OTUD7A: variants seen among roughly 807,000 people sequenced by gnomAD.
The protein encoded by OTUD7A is OTU deubiquitinase 7A, also known as OTU domain-containing protein 7A.
A neutral mutation model predicts 65.7 loss-of-function variants in OTUD7A; 12 were observed. The ratio of observed to expected loss-of-function variants is 0.18; its 90% CI spans 0.12 to 0.30. The LOEUF is 0.30. OTUD7A is among the 10% of genes least tolerant of loss of function. The pLI is 1.00. For synonymous variants in OTUD7A, 641 were observed against 586.3 expected (o/e 1.09, Z -1.35); for missense variants, 1,148 against 1,304.8 (o/e 0.88, Z 1.85).
chr15:31,728,210 T>C (rs569135214), intron 1 of OTUD7A, among the ~76,000 whole-genome samples: 1 of 152,160 alleles, frequency 6.6e-6, no homozygotes, highest in Non-Finnish European at 1.5e-5. Flanking sequence ...CAAACCAGTA[T>C]CCCGGGAGCC....
intron 1 of OTUD7A, among the ~76,000 whole-genome samples, chr15:31,829,983 C>T (rs143404892): frequency 2.2e-4 from 33 of 152,258 alleles, no homozygotes; most frequent in African/African-American, 7.5e-4. Flanking sequence ...TGTTCCTTGT[C>T]TGGGGCATTC....
intron 3 of OTUD7A, among the ~76,000 whole-genome samples, chr15:31,632,186 T>G (rs1891187090): frequency 6.6e-6 from 1 of 152,214 alleles, no homozygotes; most frequent in Non-Finnish European, 1.5e-5. Context: ...TGTTTCCAGT[T>G]TTTCTGCTCT....
chr15:31,531,520 CAAAAAAA>C (rs60332452), intron 5 of OTUD7A, among the ~76,000 whole-genome samples: 17 of 80,158 alleles, frequency 2.1e-4, no homozygotes, highest in African/African-American at 5.9e-4. Flanking sequence ...GAGTAGGCCA[CAAAAAAA>C]AAAAAAAAAA....
chr15:31,584,935 T>A (rs1889484894), intron 3 of OTUD7A, among the ~76,000 whole-genome samples: 1 of 152,194 alleles, frequency 6.6e-6, no homozygotes, highest in Non-Finnish European at 1.5e-5. Flanking sequence ...TGAGGAGAAA[T>A]TAAACTCTTA....
chr15:31,734,559 G>A (rs2455701), intron 1 of OTUD7A, among the ~76,000 whole-genome samples: 3,490 of 152,234 alleles, frequency 0.023, 163 homozygotes, highest in African/African-American at 0.079. Context: ...AAACAGATAC[G>A]TAGACCAATG....
At chr15:31,628,189 T>A (rs1453218768) in intron 3 of OTUD7A, among the ~76,000 whole-genome samples, 1 of 152,206 alleles carries the variant, frequency 6.6e-6, no homozygotes, top group South Asian at 2.1e-4. Context: ...CTGAATGGTA[T>A]TGCCTAGGTT....
intron 3 of OTUD7A, among the ~76,000 whole-genome samples, chr15:31,572,406 G>A (rs1013707254): frequency 6.6e-5 from 10 of 152,150 alleles, no homozygotes; most frequent in Admixed American, 3.3e-4. Flanking sequence ...TTTCTTCCAG[G>A]ATGCCTCAAT....
intron 1 of OTUD7A, among the ~76,000 whole-genome samples, chr15:31,849,030 A>G (rs1897356342): frequency 6.6e-6 from 1 of 152,230 alleles, no homozygotes; most frequent in African/African-American, 2.4e-5. Flanking sequence ...AGAATGCTGA[A>G]TATTGGCCCC....
chr15:31,776,187 G>A (rs1257518377), intron 1 of OTUD7A, among the ~76,000 whole-genome samples: 2 of 152,178 alleles, frequency 1.3e-5, no homozygotes, highest in African/African-American at 2.4e-5. Context: ...CTTACCGCCT[G>A]GTACCGCTCC....
At chr15:31,528,271 C>T (rs1213554818) in intron 6 of OTUD7A, among the ~76,000 whole-genome samples, 3 of 152,110 alleles carry the variant, frequency 2.0e-5, no homozygotes, top group Non-Finnish European at 4.4e-5. Context: ...GGAGCAAAGG[C>T]TCAAATGGGT....
intron 1 of OTUD7A, among the ~76,000 whole-genome samples, chr15:31,688,657 A>C (rs1892896843): frequency 6.6e-6 from 1 of 152,220 alleles, no homozygotes. Flanking sequence ...CTTTTGTAGA[A>C]GGTAGCTGTG....
At chr15:31,580,873 G>T (rs187328638) in intron 3 of OTUD7A, among the ~76,000 whole-genome samples, 26 of 152,024 alleles carry the variant, frequency 1.7e-4, no homozygotes, top group Non-Finnish European at 3.4e-4. Context: ...TCCACCCCCG[G>T]CCCCTCCCAA....
At chr15:31,823,178 T>G (rs530662081) in intron 1 of OTUD7A, among the ~76,000 whole-genome samples, 1 of 152,294 alleles carries the variant, frequency 6.6e-6, no homozygotes, top group Non-Finnish European at 1.5e-5. Flanking sequence ...ACAAAGCCGG[T>G]GCTGTGGAGG....
chr15:31,819,036 C>T (rs1411742357), intron 1 of OTUD7A, among the ~76,000 whole-genome samples: 1 of 152,022 alleles, frequency 6.6e-6, no homozygotes, highest in Non-Finnish European at 1.5e-5. Flanking sequence ...AAGAACTGGC[C>T]AGTTTGTAAG....
At chr15:31,793,934 C>G (rs763214236) in intron 1 of OTUD7A, among the ~76,000 whole-genome samples, 3 of 152,056 alleles carry the variant, frequency 2.0e-5, no homozygotes, top group Non-Finnish European at 2.9e-5. Flanking sequence ...ACCAAGGAAG[C>G]CTATGTTGAT....
At chr15:31,632,822 G>A (rs150149809) in intron 3 of OTUD7A, among the ~76,000 whole-genome samples, 2 of 151,912 alleles carry the variant, frequency 1.3e-5, no homozygotes, top group Non-Finnish European at 2.9e-5. Flanking sequence ...CCTGGGCAAT[G>A]GCAGGCGCCC....
chr15:31,570,070 G>A lies in OTUD7A; in HGVS notation c.279C>T (p.Pro93=), dbSNP rs752509545. The A allele has an allele frequency of 4.3e-6, 7 of 1,614,178 alleles. No homozygotes were observed. Among genetic ancestry groups the A allele is most frequent in the South Asian group, 3.3e-5 (3 of 91,082 alleles). The part of the protein sequence containing the change: ...GPKQPEREPQ[P]GHKVERPCLQ... ...GGCAGGGTCGCTCCACCTTGTGCCC[G>A]GGCTGTGGCTCTCGCTCTGGCTGCT... The change falls in exon 4 of 13, where the codon CCC becomes CCT. Residue 93 remains proline, a synonymous_variant. Transcript: ENST00000307050.
intron 3 of OTUD7A, among the ~76,000 whole-genome samples, chr15:31,591,185 A>G (rs1439436925): frequency 6.6e-6 from 1 of 152,030 alleles, no homozygotes; most frequent in African/African-American, 2.4e-5. Flanking sequence ...CACCATCTGC[A>G]TAGAGGTGTT....
chr15:31,628,965 T>C (rs1165057901), intron 3 of OTUD7A, among the ~76,000 whole-genome samples: 1 of 152,236 alleles, frequency 6.6e-6, no homozygotes, highest in African/African-American at 2.4e-5. Flanking sequence ...TTTGTTGAAG[T>C]TGCTTATCAG....
Sources: allele counts gnomAD v4.1 joint callset (sites outside exome capture counted in the v4.1 genomes callset), GRCh38; gene constraint gnomAD v4.1.1; transcripts MANE v1.5; gene names NCBI Gene and HGNC (gene_info 2026-07-23, HGNC 2026-07-21).